Variants in SVOPL observed in about 807,000 individuals in gnomAD.
SVOPL encodes the protein putative transporter SVOPL.
Under a neutral mutation model 61.0 loss-of-function variants are expected in SVOPL, and 60 were observed. The ratio of observed to expected loss-of-function variants is 0.98; its 90% confidence interval spans 0.80 to 1.22. The LOEUF (loss-of-function observed/expected upper bound fraction) is 1.22. Ranked by LOEUF, SVOPL falls within the 50% of genes most tolerant of loss-of-function variation. The pLI, the probability that SVOPL is intolerant of heterozygous loss-of-function variation, is 0.00. For synonymous variants in SVOPL, 279 were observed against 250.0 expected (o/e 1.12, Z -1.09); for missense variants, 662 against 643.9 (o/e 1.03, Z -0.30).
At position 138,696,492 on chromosome 7, in the gene SVOPL, G is replaced by A. The variant is rs143944052; in HGVS notation, c.-35+4686C>T. Among the ~76,000 whole-genome samples, 288 of 152,020 alleles carry A rather than the reference G, an allele frequency of 1.9e-3. 2 individuals are homozygous for A. The highest frequency in any genetic ancestry group is 3.4e-3 in the Non-Finnish European group (228 of 67,972). Reference sequence around the variant, plus strand: ...GGCTGGAATGCAATGGTACAATCTCGGCTCACTGCAACCTCTGCCTCCTGA... The same window carrying A: ...GGCTGGAATGCAATGGTACAATCTCAGCTCACTGCAACCTCTGCCTCCTGA... On this transcript the variant is annotated intron_variant, in intron 1 of 15. Transcript: ENST00000674285.
At chr7:138,630,774 C>G (rs886427047) in intron 9 of SVOPL, among the ~76,000 whole-genome samples, 1 of 152,028 alleles carries the variant, frequency 6.6e-6, no homozygotes, top group East Asian at 1.9e-4. Context: ...GAAAGCCCGT[C>G]TCTACCAAAA....
At chr7:138,673,610 A>C (rs977530474) in intron 3 of SVOPL, among the ~76,000 whole-genome samples, 2 of 152,086 alleles carry the variant, frequency 1.3e-5, no homozygotes, top group African/African-American at 4.8e-5. Context: ...ACACCACTGC[A>C]CTCCAGCCTG....
chr7:138,611,824 G>A (rs1299189509), intron 14 of SVOPL, among the ~76,000 whole-genome samples: 3 of 44,226 alleles, frequency 6.8e-5, no homozygotes, highest in East Asian at 1.9e-3. Context: ...ACACCTCCCA[G>A]CCGCCTGCCT....
chr7:138,618,695 C>T (rs377330395), intron 14 of SVOPL, among the ~76,000 whole-genome samples: 29 of 134,882 alleles, frequency 2.2e-4, no homozygotes, highest in African/African-American at 7.2e-4. Context: ...AATGAGAGCA[C>T]GCGTGCACAC....
At chr7:138,606,940 C>A (rs2116788409) in intron 14 of SVOPL, among the ~76,000 whole-genome samples, 1 of 151,468 alleles carries the variant, frequency 6.6e-6, no homozygotes, top group East Asian at 1.9e-4. Context: ...GGTGACAGAG[C>A]TAGACTCTGT....
At chr7:138,647,567 C>T (rs1382718246) in intron 8 of SVOPL, among the ~76,000 whole-genome samples, 1 of 150,312 alleles carries the variant, frequency 6.7e-6, no homozygotes, top group East Asian at 2.0e-4. Flanking sequence ...AGTCACATGT[C>T]TGGCCGGGTG....
chr7:138,691,743 G>A (rs1470195723), intron 1 of SVOPL, among the ~76,000 whole-genome samples: 4 of 151,054 alleles, frequency 2.6e-5, no homozygotes, highest in South Asian at 2.1e-4. Flanking sequence ...GTTTCGCCAC[G>A]TTGGCCAGGC....
chr7:138,692,507 A>G (rs566956432), intron 1 of SVOPL, among the ~76,000 whole-genome samples: 1 of 152,310 alleles, frequency 6.6e-6, no homozygotes, highest in East Asian at 1.9e-4. Context: ...ATTTCTTATA[A>G]CAAAAGTCAA....
At chr7:138,659,074 T>A (rs1801882175) in intron 6 of SVOPL, among the ~76,000 whole-genome samples, 1 of 152,154 alleles carries the variant, frequency 6.6e-6, no homozygotes, top group African/African-American at 2.4e-5. Flanking sequence ...TACAATCTAT[T>A]TTCTCTGAAG....
intron 9 of SVOPL, among the ~76,000 whole-genome samples, chr7:138,641,833 T>TATATATATATATATATAA (rs1554464901): frequency 8.1e-5 from 3 of 37,222 alleles, no homozygotes; most frequent in Non-Finnish European, 2.1e-4. Flanking sequence ...TATATATATA[T>TATATATATATATATATAA]AACATATATA....
chr7:138,689,474 C>T (rs941109843), intron 1 of SVOPL: 13 of 925,404 alleles, frequency 1.4e-5, no homozygotes, highest in Non-Finnish European at 2.1e-5. Flanking sequence ...ACAAGGTTGC[C>T]CTGAAGAAAA....
chr7:138,629,133 G>GTATGTA (rs1418761463), intron 10 of SVOPL, among the ~76,000 whole-genome samples: 3 of 78,058 alleles, frequency 3.8e-5, no homozygotes, highest in African/African-American at 1.1e-4. Flanking sequence ...ATATATGTGT[G>GTATGTA]TGTGTGTGTG....
intron 14 of SVOPL, among the ~76,000 whole-genome samples, chr7:138,620,119 G>GTTTTTTTTTTTTTTTTTTTT (rs375556204): frequency 1.7e-5 from 2 of 114,588 alleles, no homozygotes; most frequent in Non-Finnish European, 3.7e-5. Context: ...TTTTTTTTCT[G>GTTTTTTTTTTTTTTTTTTTT]TTTTGTTTTT....
chr7:138,609,366 G>T (rs1438593674), intron 14 of SVOPL, among the ~76,000 whole-genome samples: 1 of 151,908 alleles, frequency 6.6e-6, no homozygotes, highest in Non-Finnish European at 1.5e-5. Context: ...TGTAAGCACA[G>T]CTGGGCCCGA....
At chr7:138,621,822 G>GTATCTATGTATC (rs1563095368) in intron 13 of SVOPL, among the ~76,000 whole-genome samples, 375 of 13,420 alleles carry the variant, frequency 0.028, 57 homozygotes, top group East Asian at 0.06. Context: ...ATGTATCTAT[G>GTATCTATGTATC]TATCTATGTA....
At chr7:138,642,310 A>G (rs1800850999) in intron 9 of SVOPL, among the ~76,000 whole-genome samples, 2 of 151,080 alleles carry the variant, frequency 1.3e-5, no homozygotes, top group African/African-American at 2.4e-5. Context: ...AAAAAAATCA[A>G]TAAAGAGAAT....
chr7:138,598,931 A>G (rs558038665), intron 14 of SVOPL, among the ~76,000 whole-genome samples: 1 of 152,148 alleles, frequency 6.6e-6, no homozygotes, highest in Non-Finnish European at 1.5e-5. Context: ...AATAGAAATT[A>G]AAATCCCAGC....
intron 14 of SVOPL, among the ~76,000 whole-genome samples, chr7:138,614,735 G>A (rs1369906491): frequency 1.3e-5 from 2 of 152,130 alleles, no homozygotes; most frequent in South Asian, 2.1e-4. Context: ...TTGAAGGGAC[G>A]AGGCTGGAGA....
chr7:138,622,097 T>A (rs1211587623), intron 13 of SVOPL, among the ~76,000 whole-genome samples: 3 of 115,840 alleles, frequency 2.6e-5, no homozygotes, highest in Admixed American at 8.7e-5. Context: ...TATGTATCTA[T>A]CTATCTATCT....
Sources: allele counts gnomAD v4.1 joint callset (sites outside exome capture counted in the v4.1 genomes callset), GRCh38; gene constraint gnomAD v4.1.1; transcripts MANE v1.5; gene names NCBI Gene and HGNC (gene_info 2026-07-23, HGNC 2026-07-21).